SGK1: variants seen among roughly 807,000 people sequenced by gnomAD.
SGK1 encodes the protein serum/glucocorticoid regulated kinase 1.
A neutral mutation model predicts 64.2 loss-of-function variants in SGK1; 26 were observed. That is an observed-to-expected ratio of 0.40 (90% CI 0.30 to 0.56). SGK1 has a LOEUF of 0.56. SGK1 is among the 20% of genes least tolerant of loss of function. The probability of loss-of-function intolerance (pLI) is 0.38; values close to 1 mark genes in which losing one functional copy is unlikely to be tolerated. For missense variants in SGK1, 519 were observed against 645.6 expected, an observed-to-expected ratio of 0.80 and a Z score of 2.12; for synonymous variants, 265 against 239.7, an observed-to-expected ratio of 1.11 and a Z score of -0.98.
In SGK1 at chr6:134,202,120, A is replaced by G. The variant is rs557722414; in HGVS notation, c.361+5236T>C. On this transcript the variant is annotated intron_variant, in intron 3 of 13. Transcript: ENST00000367858. ...CAGCCAGTAAAAGACTACACGTTACATTCAGCATAGCAATAATGTAAACAT... is the reference window on the plus strand; with the variant it reads ...CAGCCAGTAAAAGACTACACGTTACGTTCAGCATAGCAATAATGTAAACAT... Among the ~76,000 whole-genome samples the G allele has an allele frequency of 2.6e-5, 4 of 152,362 alleles. No homozygotes were observed. In the East Asian group the frequency reaches 5.8e-4, roughly 22 times the overall value.
At chr6:134,223,383 G>T (rs1332690556) in intron 2 of SGK1, among the ~76,000 whole-genome samples, 1 of 150,772 alleles carries the variant, frequency 6.6e-6, no homozygotes, top group East Asian at 1.9e-4. Flanking sequence ...AAAAAAAAGG[G>T]ATAATATAAG....
At chr6:134,200,111 T>C (rs550338267) in intron 3 of SGK1, among the ~76,000 whole-genome samples, 79 of 152,176 alleles carry the variant, frequency 5.2e-4, no homozygotes, top group African/African-American at 1.9e-3. Context: ...AAAACAAAGG[T>C]GTACAAAAAC....
intron 9 of SGK1, 92 bp from the exon 10 acceptor site, chr6:134,172,408 A>G: frequency 7.7e-7 from 1 of 1,294,094 alleles, no homozygotes; most frequent in Non-Finnish European, 1.1e-6. Flanking sequence ...TATTAGAGGC[A>G]TTTTAGGTTC....
In SGK1 at chr6:134,285,721, G is replaced by GT. The variant is rs991210928; in HGVS notation, c.70-23574dup. Among the ~76,000 whole-genome samples the GT allele has an allele frequency of 1.5e-4, 22 of 150,356 alleles. 1 individual carries two copies. The highest frequency in any genetic ancestry group is 9.8e-4 in the East Asian group (5 of 5,122). Reference sequence around the variant, plus strand: ...TGTCCTTTGTTGACTTTTTGATGGGGTTTTTTTTTCTTTCAGTTTTCGTTT... The same window carrying GT: ...TGTCCTTTGTTGACTTTTTGATGGGGTTTTTTTTTTCTTTCAGTTTTCGTTT... On this transcript the variant is annotated intron_variant, in intron 1 of 13. Transcript: ENST00000367858.
rs771278977 is a variant in SGK1 at position 134,169,314 on chromosome 6, G to GT, written c.*953dup. 7.2e-5 allele frequency: 11 copies of GT among 152,620 alleles called. No individual in the cohort carries two copies. The highest frequency in any genetic ancestry group is 1.3e-4 in the Non-Finnish European group (9 of 68,042). The allele number at this position is 152,620 out of a possible 1,614,324, so 9.5% of individuals were successfully genotyped here. ...GTTTATCACACACAAAAAAAGTTGT[G>GT]TGATGGGATGAGGGAAGGATTGTAC... is the stretch of plus-strand genomic sequence containing the variant. On this transcript the variant is annotated 3_prime_UTR_variant, in exon 14 of 14. Coordinates refer to ENST00000367858, the MANE Select transcript of SGK1 (RefSeq NM_001143676.3).
chr6:134,300,537 CA>C (rs112943044), intron 1 of SGK1, among the ~76,000 whole-genome samples: 14,442 of 86,012 alleles, frequency 0.17, 961 homozygotes, highest in African/African-American at 0.3. Context: ...GACTCTGTCT[CA>C]AAAAAAAAAA....
chr6:134,269,922 C>G (rs1418619873), intron 1 of SGK1, among the ~76,000 whole-genome samples: 3 of 147,136 alleles, frequency 2.0e-5, no homozygotes, highest in African/African-American at 7.4e-5. Flanking sequence ...TCTTTTCTCT[C>G]TCTCTTTTTT....
rs915475925 is a variant in SGK1, at chr6:134,317,385, T to C, written c.69+7A>G. The C allele has an allele frequency of 1.3e-6, 2 of 1,566,620 alleles. No individual in the cohort carries two copies. The highest frequency in any genetic ancestry group is 1.4e-5 in the African/African-American group (1 of 74,004). ...AAACAAAAGAAATAAGCAAAACCTGTCCTTACCCGCTTCTTAAAAAATTGG... is the reference window on the plus strand; with the variant it reads ...AAACAAAAGAAATAAGCAAAACCTGCCCTTACCCGCTTCTTAAAAAATTGG... On this transcript the variant is annotated splice_region_variant and intron_variant, in intron 1 of 13. Coordinates refer to ENST00000367858, the MANE Select transcript of SGK1 (RefSeq NM_001143676.3).
intron 11 of SGK1, 93 bp downstream of exon 11, chr6:134,171,544 G>T: frequency 1.2e-6 from 1 of 847,496 alleles, no homozygotes; most frequent in South Asian, 1.5e-5. Context: ...AAGCGTACTG[G>T]TAAGGGCAAG....
chr6:134,220,202 A>G (rs1261928765), intron 2 of SGK1, among the ~76,000 whole-genome samples: 1 of 151,848 alleles, frequency 6.6e-6, no homozygotes, highest in Non-Finnish European at 1.5e-5. Context: ...ATGCATGTTT[A>G]TTGACCACAT....
chr6:134,219,595 T>C (rs1427075168), intron 2 of SGK1, among the ~76,000 whole-genome samples: 2 of 151,146 alleles, frequency 1.3e-5, no homozygotes, highest in Non-Finnish European at 2.9e-5. Flanking sequence ...ATCCTGTCTC[T>C]ACTAAAAATA....
At chr6:134,172,379 T>G in intron 9 of SGK1, 63 bp from the exon 10 acceptor site, 1 of 1,501,930 alleles carries the variant, frequency 6.7e-7, no homozygotes, top group Non-Finnish European at 9.2e-7. Context: ...GATATCCTCT[T>G]AAAGATAATT....
chr6:134,273,926 T>C (rs1382065356), intron 1 of SGK1, among the ~76,000 whole-genome samples: 4 of 152,090 alleles, frequency 2.6e-5, no homozygotes, highest in Non-Finnish European at 5.9e-5. Context: ...TCCGAAGAGC[T>C]GGGGTTACAA....
At chr6:134,173,706 TTC>T in intron 5 of SGK1, 140 bp from the exon 6 acceptor site, 2 of 638,538 alleles carry the variant, frequency 3.1e-6, no homozygotes, top group Non-Finnish European at 2.7e-6. Flanking sequence ...AAAACTACAT[TTC>T]ATCACATTTC....
chr6:134,220,237 T>C (rs1228599398), intron 2 of SGK1, among the ~76,000 whole-genome samples: 1 of 152,148 alleles, frequency 6.6e-6, no homozygotes, highest in Non-Finnish European at 1.5e-5. Context: ...AGTCAAATTA[T>C]GTTAAAGTAG....
At chr6:134,227,207 T>G (rs1244530246) in intron 2 of SGK1, among the ~76,000 whole-genome samples, 2 of 151,928 alleles carry the variant, frequency 1.3e-5, no homozygotes, top group Non-Finnish European at 2.9e-5. Context: ...CAATCTCAAC[T>G]CACTGCAACC....
chr6:134,298,533 C>G (rs1777397098), intron 1 of SGK1: 2 of 805,794 alleles, frequency 2.5e-6, no homozygotes, highest in South Asian at 2.8e-5. Context: ...GCTGGCCCCA[C>G]CATAGCCTCC....
chr6:134,196,243 T>C (rs1429808522), intron 3 of SGK1, among the ~76,000 whole-genome samples: 1 of 151,844 alleles, frequency 6.6e-6, no homozygotes, highest in East Asian at 1.9e-4. Flanking sequence ...TTTTTTAAAT[T>C]TAAAAAGAGA....
intron 1 of SGK1, among the ~76,000 whole-genome samples, chr6:134,309,689 T>C (rs1177418141): frequency 6.6e-6 from 1 of 152,106 alleles, no homozygotes; most frequent in African/African-American, 2.4e-5. Context: ...TTGAGCCCCA[T>C]AGAATGGATA....
Sources: gnomAD v4.1 joint callset for allele counts (sites outside exome capture counted in the v4.1 genomes callset) on GRCh38, gnomAD v4.1.1 for gene constraint, MANE v1.5 for transcripts, NCBI Gene and HGNC (gene_info 2026-07-23, HGNC 2026-07-21) for gene names.